RIT2: variants seen among roughly 807,000 people sequenced by gnomAD.
RIT2 encodes the protein GTP-binding protein Rit2.
RIT2 carries 24 observed loss-of-function variants against 23.7 expected under a neutral mutation model. That is an observed-to-expected ratio of 1.01 (90% confidence interval 0.73 to 1.43). The LOEUF (loss-of-function observed/expected upper bound fraction) is 1.43, where lower values mean the gene tolerates loss of function less well. RIT2 is among the 40% of genes most tolerant of loss of function. The pLI is 0.00. For synonymous variants in RIT2, 107 were observed against 91.1 expected (o/e 1.17, Z -0.99); for missense variants, 236 against 266.9 (o/e 0.88, Z 0.81).
intron 4 of RIT2, among the ~76,000 whole-genome samples, chr18:42,811,752 C>A (rs1905854913): frequency 6.6e-6 from 1 of 151,868 alleles, no homozygotes; most frequent in Admixed American, 6.6e-5. Context: ...CAAAGCATGA[C>A]AAGGTGCTAG....
chr18:42,774,967 A>G (rs1913633833), intron 4 of RIT2, among the ~76,000 whole-genome samples: 1 of 152,316 alleles, frequency 6.6e-6, no homozygotes, highest in South Asian at 2.1e-4. Context: ...ATTACACCTT[A>G]TCATCTATAC....
Position 42,940,091 on chromosome 18 carries a change from T to C in RIT2, c.235-16328A>G, listed in dbSNP as rs561264964. Among the ~76,000 whole-genome samples, 44 of 151,560 alleles carry C rather than the reference T, an allele frequency of 2.9e-4. 1 individual carries two copies. The highest frequency in any genetic ancestry group is 1.1e-3 in the African/African-American group (44 of 41,366). On this transcript the variant is annotated intron_variant, in intron 3 of 4. Coordinates refer to ENST00000326695, the MANE Select transcript of RIT2 (RefSeq NM_002930.4). The stretch of plus-strand genomic sequence containing the variant: ...AACAATAGTCCAGGAAAGATACATT[T>C]TATGCCCCCATGCATTTGTTTATGC...
At chr18:43,092,324 T>G (rs1471988428) in intron 1 of RIT2, among the ~76,000 whole-genome samples, 1 of 152,114 alleles carries the variant, frequency 6.6e-6, no homozygotes, top group Non-Finnish European at 1.5e-5. Context: ...AATCAAAGAT[T>G]TGTTTTTTCC....
intron 4 of RIT2, among the ~76,000 whole-genome samples, chr18:42,757,907 T>G (rs1248468853): frequency 6.6e-6 from 1 of 152,182 alleles, no homozygotes; most frequent in African/African-American, 2.4e-5. Flanking sequence ...TCATCTGTAT[T>G]ATTAGACATC....
intron 4 of RIT2, among the ~76,000 whole-genome samples, chr18:42,800,411 A>T (rs1455045003): frequency 6.6e-6 from 1 of 152,096 alleles, no homozygotes; most frequent in African/African-American, 2.4e-5. Flanking sequence ...TATTTAAACC[A>T]TTATACACAT....
At chr18:42,916,109 G>C (rs920169254) in intron 4 of RIT2, among the ~76,000 whole-genome samples, 1 of 151,946 alleles carries the variant, frequency 6.6e-6, no homozygotes, top group Non-Finnish European at 1.5e-5. Context: ...GAATCACCCA[G>C]CTAATTTGTT....
chr18:42,773,047 G>T (rs1021522624), intron 4 of RIT2, among the ~76,000 whole-genome samples: 1 of 152,068 alleles, frequency 6.6e-6, no homozygotes, highest in Non-Finnish European at 1.5e-5. Flanking sequence ...TATTAAAAAG[G>T]CCTGTTTCTT....
intron 1 of RIT2, among the ~76,000 whole-genome samples, chr18:43,105,121 TG>T (rs1179590053): frequency 1.3e-5 from 2 of 150,722 alleles, no homozygotes; most frequent in African/African-American, 4.9e-5. Flanking sequence ...TGTGTGTGTG[TG>T]TGTGTGTGTT....
intron 1 of RIT2, among the ~76,000 whole-genome samples, chr18:43,092,795 T>C (rs1263583263): frequency 6.6e-6 from 1 of 152,086 alleles, no homozygotes; most frequent in African/African-American, 2.4e-5. Context: ...CAACATAATA[T>C]TATTAAAGCA....
At chr18:42,863,697 C>G (rs1021738614) in intron 4 of RIT2, among the ~76,000 whole-genome samples, 1 of 152,118 alleles carries the variant, frequency 6.6e-6, no homozygotes, top group African/African-American at 2.4e-5. Flanking sequence ...TCATTGGAAC[C>G]TTTCTCATGT....
intron 1 of RIT2, among the ~76,000 whole-genome samples, chr18:43,073,635 C>T (rs568939528): frequency 2.6e-5 from 4 of 152,004 alleles, no homozygotes; most frequent in Non-Finnish European, 5.9e-5. Flanking sequence ...TTGCAGATAT[C>T]GTCATATGTG....
intron 2 of RIT2, among the ~76,000 whole-genome samples, chr18:43,026,491 G>A (rs1322777891): frequency 6.6e-6 from 1 of 150,680 alleles, no homozygotes. Context: ...GAGGCAGAGG[G>A]TACAGTGAGT....
chr18:42,978,806 T>A (rs970777489), intron 2 of RIT2, among the ~76,000 whole-genome samples: 1 of 152,138 alleles, frequency 6.6e-6, no homozygotes, highest in Non-Finnish European at 1.5e-5. Context: ...TAAAGACCTA[T>A]ATTAAAGCCT....
chr18:42,953,984 G>A (rs1204368491), intron 3 of RIT2, among the ~76,000 whole-genome samples: 1 of 152,116 alleles, frequency 6.6e-6, no homozygotes, highest in Non-Finnish European at 1.5e-5. Flanking sequence ...TCTGCAAATT[G>A]TAGGGTTTAT....
At chr18:43,112,616 T>G (rs1410083521) in intron 1 of RIT2, among the ~76,000 whole-genome samples, 1 of 152,144 alleles carries the variant, frequency 6.6e-6, no homozygotes, top group Non-Finnish European at 1.5e-5. Context: ...ACAAAAACAT[T>G]TCTCAGGCCA....
chr18:42,886,472 G>A (rs528943799), intron 4 of RIT2, among the ~76,000 whole-genome samples: 1 of 152,282 alleles, frequency 6.6e-6, no homozygotes, highest in East Asian at 1.9e-4. Flanking sequence ...TTTCTGCTAT[G>A]GAATAGAGAG....
chr18:43,042,018 G>T (rs925031188), intron 1 of RIT2, among the ~76,000 whole-genome samples: 9 of 152,022 alleles, frequency 5.9e-5, no homozygotes, highest in Non-Finnish European at 1.2e-4. Flanking sequence ...ATATTTATGC[G>T]AAGTACTAAA....
chr18:42,743,756 A>C (rs1285325870), intron 4 of RIT2, 36 bp from the exon 5 acceptor site: 3 of 1,454,170 alleles, frequency 2.1e-6, no homozygotes, highest in Admixed American at 2.0e-5. Flanking sequence ...AAAGACAGAA[A>C]GAGAAAGACT....
chr18:42,854,213 T>C (rs1370115812), intron 4 of RIT2, among the ~76,000 whole-genome samples: 2 of 152,206 alleles, frequency 1.3e-5, no homozygotes, highest in Non-Finnish European at 2.9e-5. Flanking sequence ...CATGTACCTT[T>C]ATAGTTTTAT....
Sources: allele counts gnomAD v4.1 joint callset (sites outside exome capture counted in the v4.1 genomes callset), GRCh38; gene constraint gnomAD v4.1.1; transcripts MANE v1.5; gene names NCBI Gene and HGNC (gene_info 2026-07-23, HGNC 2026-07-21).